CFAP91: variants seen among roughly 807,000 people sequenced by gnomAD.
CFAP91 encodes cilia and flagella associated protein 91, also known as cilia- and flagella-associated protein 91.
A neutral mutation model predicts 95.9 loss-of-function variants in CFAP91; 85 were observed. The ratio of observed to expected loss-of-function variants is 0.89; its 90% CI spans 0.74 to 1.06. CFAP91 has a LOEUF of 1.06. Ranked by LOEUF, CFAP91 falls within the 50% of genes least tolerant of loss-of-function variation. CFAP91 has a pLI of 0.00. For missense variants in CFAP91, 962 were observed against 943.4 expected, an observed-to-expected ratio of 1.02 and a Z score of -0.26; for synonymous variants, 335 against 327.5, an observed-to-expected ratio of 1.02 and a Z score of -0.25.
At chr3:119,715,809 T>A (rs1254413649) in intron 6 of CFAP91, 66 bp downstream of exon 6, 6 of 1,435,062 alleles carry the variant, frequency 4.2e-6, no homozygotes, top group Non-Finnish European at 5.9e-6. Context: ...GCTGTTCAAA[T>A]GGCCCATGTA....
At chr3:119,717,737 C>G (rs545423189) in intron 6 of CFAP91, among the ~76,000 whole-genome samples, 3 of 152,222 alleles carry the variant, frequency 2.0e-5, no homozygotes, top group African/African-American at 4.8e-5. Context: ...CATGCATGCC[C>G]GTGATTACCC....
intron 17 of CFAP91, among the ~76,000 whole-genome samples, chr3:119,756,377 A>G (rs990632199): frequency 6.6e-6 from 1 of 152,188 alleles, no homozygotes; most frequent in Non-Finnish European, 1.5e-5. Flanking sequence ...AATGGCAACG[A>G]AAGACATTTT....
intron 1 of CFAP91, among the ~76,000 whole-genome samples, chr3:119,704,179 T>G (rs1046779789): frequency 3.9e-5 from 6 of 152,164 alleles, no homozygotes; most frequent in Admixed American, 3.9e-4. Context: ...ATCACCATGT[T>G]TTTTTTTCAC....
At chr3:119,721,372 C>A (rs1034126013) in intron 6 of CFAP91, among the ~76,000 whole-genome samples, 1 of 152,188 alleles carries the variant, frequency 6.6e-6, no homozygotes, top group African/African-American at 2.4e-5. Context: ...CTGTAATAAA[C>A]ATCATACTAA....
intron 4 of CFAP91, 115 bp from the exon 5 acceptor site, chr3:119,709,724 A>C: frequency 3.9e-6 from 3 of 777,332 alleles, no homozygotes; most frequent in Non-Finnish European, 4.5e-6. Flanking sequence ...TAACACTGAT[A>C]TATGGGATAT....
chr3:119,721,503 C>G (rs2053683676), intron 6 of CFAP91, among the ~76,000 whole-genome samples: 1 of 152,226 alleles, frequency 6.6e-6, no homozygotes, highest in Non-Finnish European at 1.5e-5. Context: ...GCTATGATCT[C>G]TCCTTTCAGG....
chr3:119,716,068 C>A (rs1272046027), intron 6 of CFAP91: 1 of 509,956 alleles, frequency 2.0e-6, no homozygotes. Context: ...AATCATACTT[C>A]TTTAAACATA....
intron 17 of CFAP91, among the ~76,000 whole-genome samples, chr3:119,757,769 G>C (rs1162322475): frequency 1.3e-5 from 2 of 152,028 alleles, no homozygotes; most frequent in African/African-American, 4.8e-5. Flanking sequence ...CTTGCCAAGG[G>C]CAGAGGGACA....
intron 7 of CFAP91, among the ~76,000 whole-genome samples, chr3:119,727,216 A>C (rs1559755395): frequency 6.6e-6 from 1 of 152,212 alleles, no homozygotes; most frequent in Non-Finnish European, 1.5e-5. Context: ...TTAGAGTCTC[A>C]GCTTGGTGCT....
chr3:119,743,661 T>C (rs1287906012), intron 13 of CFAP91, among the ~76,000 whole-genome samples: 1 of 152,234 alleles, frequency 6.6e-6, no homozygotes, highest in Non-Finnish European at 1.5e-5. Context: ...AGACACACTT[T>C]ACCTTGTTGA....
intron 6 of CFAP91, among the ~76,000 whole-genome samples, chr3:119,720,785 C>T (rs543029822): frequency 2.0e-5 from 3 of 152,322 alleles, no homozygotes; most frequent in African/African-American, 7.2e-5. Context: ...ATGCGCAAGT[C>T]TCTTATGTAA....
chr3:119,765,656 G>A lies in CFAP91; in HGVS notation c.*606G>A, dbSNP rs1044401161. The stretch of plus-strand genomic sequence containing the variant: ...CCTTTGAGCTTTAGATCTAAGAAGT[G>A]TGTTCATGCAACAGCCATAGAGATG... On this transcript the variant is annotated 3_prime_UTR_variant, in exon 18 of 18. Coordinates refer to ENST00000273390, the MANE Select transcript of CFAP91 (RefSeq NM_033364.4). The A allele has an allele frequency of 3.9e-5, 6 of 152,308 alleles. No homozygotes were observed. Among genetic ancestry groups the A allele is most frequent in the Non-Finnish European group, 8.8e-5 (6 of 68,026 alleles). The allele number at this position is 152,308 out of a possible 1,614,324, so 9.4% of individuals were successfully genotyped here.
In CFAP91 at chr3:119,740,641, C is replaced by G; in HGVS notation, c.1626C>G (p.Ala542=). The G allele has an allele frequency of 1.9e-6, 3 of 1,614,150 alleles. No homozygotes were observed. The highest frequency in any genetic ancestry group is 1.7e-6 in the Non-Finnish European group (2 of 1,180,028). The change falls in exon 13 of 18, where the codon GCC becomes GCG. Residue 542 remains alanine, a synonymous_variant. Transcript: ENST00000273390. ...LQEDEKLVKK[A]EKQVTLALQR... is the part of the protein sequence containing the mutation. ...AAGATGAAAAGCTGGTGAAAAAAGC[C>G]GAGAAGCAAGTGACCCTGGCCTTAC...
At chr3:119,704,800 C>T (rs907917868) in intron 1 of CFAP91, among the ~76,000 whole-genome samples, 7 of 152,162 alleles carry the variant, frequency 4.6e-5, no homozygotes, top group East Asian at 1.9e-4. Flanking sequence ...CCAATTACTT[C>T]GTGACATTGT....
At chr3:119,726,677 C>T (rs2053790537) in intron 7 of CFAP91, among the ~76,000 whole-genome samples, 1 of 152,178 alleles carries the variant, frequency 6.6e-6, no homozygotes, top group African/African-American at 2.4e-5. Context: ...TCTATCTTAA[C>T]TGTCACAGAA....
intron 7 of CFAP91, among the ~76,000 whole-genome samples, chr3:119,729,690 A>G (rs2053857003): frequency 6.6e-6 from 1 of 152,220 alleles, no homozygotes; most frequent in African/African-American, 2.4e-5. Context: ...CTGGAGGTAC[A>G]GATAACAGTC....
chr3:119,708,055 G>A lies in CFAP91; in HGVS notation c.359+494G>A, dbSNP rs779693884. Among the ~76,000 whole-genome samples the A allele has an allele frequency of 4.9e-4, 75 of 152,064 alleles. 1 individual carries two copies. Among genetic ancestry groups the A allele is most frequent in the Non-Finnish European group, 1.0e-3 (69 of 68,010 alleles). On this transcript the variant is annotated intron_variant, in intron 3 of 17. Transcript: ENST00000273390. ...CCAGCACTTTGGGAGGCCGAGGCAG[G>A]CGGATCATGAGGTCAGGAGATTGAG...
chr3:119,733,568 C>T, intron 10 of CFAP91, 62 bp downstream of exon 10: 3 of 1,550,724 alleles, frequency 1.9e-6, no homozygotes, highest in Non-Finnish European at 1.8e-6. Context: ...AAATGCTACA[C>T]TCCAAAAATT....
rs577314013 is a variant in CFAP91 at position 119,703,190 on chromosome 3, TCTC to T, written c.97_99del (p.Ser33del). On this transcript the variant is annotated inframe_deletion, in exon 1 of 18. Transcript: ENST00000273390. ...GAGAGGTCGCGGGCTGGGAGCCACA[TCTC>T]CTCCAATCGAGCGTATGATTTTCTG... 7.2e-4 allele frequency: 1,161 copies of T among 1,611,414 alleles called. 6 individuals carry two copies. The East Asian group carries it at 8.4e-3, about 12-fold the overall frequency.
Sources: allele counts gnomAD v4.1 joint callset (sites outside exome capture counted in the v4.1 genomes callset), GRCh38; gene constraint gnomAD v4.1.1; transcripts MANE v1.5; gene names NCBI Gene and HGNC (gene_info 2026-07-23, HGNC 2026-07-21).